Variants in ZFHX3 observed in about 807,000 individuals in gnomAD.
ZFHX3 encodes zinc finger homeobox 3, also known as zinc finger homeobox protein 3.
Under a neutral mutation model 279.1 loss-of-function variants are expected in ZFHX3, and 42 were observed. The ratio of observed to expected loss-of-function variants is 0.15; its 90% confidence interval spans 0.12 to 0.19. The LOEUF is 0.19. Ranked by LOEUF, ZFHX3 falls within the 10% of genes least tolerant of loss-of-function variation. ZFHX3 has a pLI of 1.00. For missense variants in ZFHX3, 4,981 were observed against 4,754.0 expected (o/e 1.05, Z -1.40); for synonymous variants, 2,293 against 1,957.8 (o/e 1.17, Z -4.52).
intron 2 of ZFHX3, among the ~76,000 whole-genome samples, chr16:73,456,748 T>C (rs2018379254): frequency 1.3e-5 from 2 of 152,238 alleles, no homozygotes; most frequent in South Asian, 4.1e-4. Context: ...CAGATGCACC[T>C]TCTATCGGGA....
intron 1 of ZFHX3, among the ~76,000 whole-genome samples, chr16:73,699,664 C>A (rs1346951075): frequency 6.6e-6 from 1 of 152,144 alleles, no homozygotes; most frequent in Non-Finnish European, 1.5e-5. Context: ...GCTCAACAAC[C>A]CTATGAAGCT....
At chr16:73,584,002 T>C (rs943516532) in intron 2 of ZFHX3, among the ~76,000 whole-genome samples, 1 of 152,176 alleles carries the variant, frequency 6.6e-6, no homozygotes, top group Admixed American at 6.5e-5. Context: ...TTTAAAAATA[T>C]GCTTAGACAT....
At chr16:73,278,479 G>A (rs2014364467) in intron 4 of ZFHX3, among the ~76,000 whole-genome samples, 1 of 152,204 alleles carries the variant, frequency 6.6e-6, no homozygotes, top group Non-Finnish European at 1.5e-5. Context: ...AGTGTCAACA[G>A]CTCTAAAGAT....
intron 1 of ZFHX3, among the ~76,000 whole-genome samples, chr16:73,794,861 A>G (rs16972577): frequency 0.065 from 9,928 of 152,252 alleles, 1,057 homozygotes; most frequent in African/African-American, 0.23. Context: ...TCATTTTGGA[A>G]TAATGTCATG....
chr16:73,091,410 C>A (rs1165890614), intron 8 of ZFHX3, among the ~76,000 whole-genome samples: 1 of 152,068 alleles, frequency 6.6e-6, no homozygotes, highest in Non-Finnish European at 1.5e-5. Context: ...ATTGGCGGAA[C>A]CCCAGGGAAT....
chr16:73,357,624 A>G (rs2016365725), intron 3 of ZFHX3, among the ~76,000 whole-genome samples: 1 of 152,182 alleles, frequency 6.6e-6, no homozygotes. Context: ...CCAGGTTCTA[A>G]AAGGAGCCTA....
intron 1 of ZFHX3, among the ~76,000 whole-genome samples, chr16:73,043,703 G>A (rs908301877): frequency 6.6e-6 from 1 of 152,182 alleles, no homozygotes; most frequent in Non-Finnish European, 1.5e-5. Flanking sequence ...CTTCAGCTCA[G>A]TGCTGCTGTC....
At chr16:73,664,197 C>G (rs1385140012) in intron 2 of ZFHX3, among the ~76,000 whole-genome samples, 1 of 150,826 alleles carries the variant, frequency 6.6e-6, no homozygotes, top group African/African-American at 2.5e-5. Flanking sequence ...GTAACTTTGC[C>G]AAACAGTATT....
intron 3 of ZFHX3, among the ~76,000 whole-genome samples, chr16:73,424,678 C>G (rs2017778283): frequency 7.1e-6 from 1 of 140,552 alleles, no homozygotes; most frequent in African/African-American, 2.7e-5. Context: ...CACTTGAGCC[C>G]AGGAGGTTGA....
At chr16:73,187,911 T>G (rs762904293) in intron 5 of ZFHX3, among the ~76,000 whole-genome samples, 1 of 152,156 alleles carries the variant, frequency 6.6e-6, no homozygotes, top group Non-Finnish European at 1.5e-5. Flanking sequence ...CAGGCTGGAG[T>G]GCAATGGCGT....
chr16:73,025,764 T>C (rs1964475645), intron 1 of ZFHX3, among the ~76,000 whole-genome samples: 4 of 152,152 alleles, frequency 2.6e-5, no homozygotes, highest in Admixed American at 2.6e-4. Context: ...CTGCTCTCCC[T>C]GTCTATAAAT....
chr16:73,063,196 G>C (rs769043521), upstream of ZFHX3, among the ~76,000 whole-genome samples: 2 of 152,232 alleles, frequency 1.3e-5, no homozygotes, highest in African/African-American at 2.4e-5. Context: ...GGGGAGGAAA[G>C]GGTTAAGCTG....
chr16:73,492,572 T>G (rs2019072576), intron 2 of ZFHX3, among the ~76,000 whole-genome samples: 1 of 152,176 alleles, frequency 6.6e-6, no homozygotes, highest in Admixed American at 6.5e-5. Flanking sequence ...GCATAACGCA[T>G]GGGATGCACC....
At chr16:73,540,400 A>G (rs1018312656) in intron 2 of ZFHX3, among the ~76,000 whole-genome samples, 2 of 152,248 alleles carry the variant, frequency 1.3e-5, no homozygotes, top group East Asian at 1.9e-4. Context: ...TGCAAAGGAA[A>G]TAACCCCTTT....
chr16:72,840,572 CAG>C (rs1405263612), intron 4 of ZFHX3, among the ~76,000 whole-genome samples: 1 of 152,148 alleles, frequency 6.6e-6, no homozygotes, highest in African/African-American at 2.4e-5. Flanking sequence ...TGGCACACAA[CAG>C]AGAAAAATAA....
intron 3 of ZFHX3, among the ~76,000 whole-genome samples, chr16:72,892,429 T>C (rs2038794835): frequency 6.6e-6 from 1 of 152,050 alleles, no homozygotes; most frequent in South Asian, 2.1e-4. Context: ...TGTTACCTAT[T>C]AGAAAAATTA....
intron 1 of ZFHX3, among the ~76,000 whole-genome samples, chr16:72,991,904 C>T (rs915966852): frequency 6.6e-6 from 1 of 152,200 alleles, no homozygotes; most frequent in Admixed American, 6.5e-5. Context: ...CAGCACGAGC[C>T]TGTGATTCCT....
intron 3 of ZFHX3, among the ~76,000 whole-genome samples, chr16:73,351,559 G>T (rs2016242258): frequency 6.6e-6 from 1 of 152,188 alleles, no homozygotes; most frequent in Admixed American, 6.5e-5. Context: ...ATAATTTAAA[G>T]AGCGATGGGG....
chr16:73,456,026 T>C (rs1405328008), exon 3 of ZFHX3: 1 of 152,070 alleles, frequency 6.6e-6, no homozygotes, highest in Admixed American at 6.6e-5. Context: ...TGATTCAGAC[T>C]CCTCCAGTCC....
Sources: allele counts gnomAD v4.1 joint callset (sites outside exome capture counted in the v4.1 genomes callset), GRCh38; gene constraint gnomAD v4.1.1; transcripts MANE v1.5; gene names NCBI Gene and HGNC (gene_info 2026-07-23, HGNC 2026-07-21).